The following POLR1A variants were observed in gnomAD, a reference collection of about 807,000 sequenced individuals.
POLR1A encodes DNA-directed RNA polymerase I subunit RPA1.
POLR1A carries 84 observed loss-of-function variants against 205.3 expected under a neutral mutation model. The ratio of observed to expected loss-of-function variants is 0.41; its 90% confidence interval spans 0.34 to 0.49. The LOEUF (loss-of-function observed/expected upper bound fraction) is 0.49, where lower values mean the gene tolerates loss of function less well. Among genes scored for constraint, POLR1A ranks in the 20% least tolerant of loss-of-function variants. The probability of loss-of-function intolerance (pLI) is 0.22; values close to 1 mark genes in which losing one functional copy is unlikely to be tolerated. For synonymous variants in POLR1A, 799 were observed against 863.7 expected, an observed-to-expected ratio of 0.93 and a Z score of 1.31; for missense variants, 1,645 against 2,204.5, an observed-to-expected ratio of 0.75 and a Z score of 5.08.
intron 3 of POLR1A, among the ~76,000 whole-genome samples, chr2:86,093,077 C>T (rs1673637215): frequency 1.3e-5 from 2 of 152,142 alleles, no homozygotes; most frequent in South Asian, 4.1e-4. Context: ...AGTCATTCAC[C>T]ATGTTAGCTG....
At chr2:86,101,896 T>C (rs1673828563) in intron 1 of POLR1A, among the ~76,000 whole-genome samples, 1 of 152,242 alleles carries the variant, frequency 6.6e-6, no homozygotes, top group African/African-American at 2.4e-5. Context: ...TACTTGTCCT[T>C]TTGTGACTGG....
chr2:86,096,101 G>C (rs954239145), intron 3 of POLR1A, among the ~76,000 whole-genome samples: 5 of 151,906 alleles, frequency 3.3e-5, no homozygotes, highest in African/African-American at 1.2e-4. Context: ...ACTCAGTAAA[G>C]TTGCAGGATA....
chr2:86,048,749 C>T (rs1460935363), intron 18 of POLR1A, 135 bp downstream of exon 18: 2 of 751,404 alleles, frequency 2.7e-6, no homozygotes, highest in Non-Finnish European at 4.4e-6. Context: ...TCTACCCATC[C>T]CACCTCGCAT....
chr2:86,038,460 A>G (rs1375672008), intron 27 of POLR1A, among the ~76,000 whole-genome samples: 1 of 152,188 alleles, frequency 6.6e-6, no homozygotes, highest in African/African-American at 2.4e-5. Context: ...ACGTCAACCC[A>G]AGAGAAGAAA....
At chr2:86,032,615 C>T (rs1332996446) in intron 28 of POLR1A, among the ~76,000 whole-genome samples, 1 of 151,974 alleles carries the variant, frequency 6.6e-6, no homozygotes, top group East Asian at 1.9e-4. Context: ...TCTTTACATG[C>T]ACCACTTACT....
In POLR1A at chr2:86,048,803, C is replaced by A. The variant is rs149075441; in HGVS notation, c.2634+81G>T. On this transcript the variant is annotated intron_variant, in intron 18 of 33. Transcript: ENST00000263857. ...CAACAGCCAAGGTGCTCTGTAGGGC[C>A]CAGGTGAGAATCAAAATGTAATTTT... 1,476 of 1,299,870 alleles carry A rather than the reference C, an allele frequency of 1.1e-3. 8 individuals carry two copies. In the African/African-American group the frequency reaches 0.017, roughly 15 times the overall value. The allele number at this position is 1,299,870 out of a possible 1,614,324, so 80.5% of individuals were successfully genotyped here.
At position 86,028,310 on chromosome 2, in the gene POLR1A, A is replaced by T. The variant is rs954645586; in HGVS notation, c.4898-261T>A. Among the ~76,000 whole-genome samples, 1 of 152,190 alleles carries T rather than the reference A, an allele frequency of 6.6e-6. No homozygotes were observed. The highest frequency in any genetic ancestry group is 1.5e-5 in the Non-Finnish European group (1 of 68,032). On this transcript the variant is annotated intron_variant, in intron 32 of 33. Coordinates refer to ENST00000263857, the MANE Select transcript of POLR1A (RefSeq NM_015425.6). The surrounding 1 kb of genome is among the most constrained non-coding windows in gnomAD (Gnocchi z 4.5). ...CTAACCGCACTGTTTTCACTTGGGA[A>T]CTGAAACCCCAAAGGCAGGATGGGG...
rs3755006 is a variant in POLR1A at position 86,034,278 on chromosome 2, C to T, written c.4035-491G>A. On this transcript the variant is annotated intron_variant, in intron 27 of 33. Coordinates refer to ENST00000263857, the MANE Select transcript of POLR1A (RefSeq NM_015425.6). ...CCCCACCCAGGACTAGGACCTTCCC[C>T]TGCCCACAACCTGCAGCATCTCCAG... is the stretch of plus-strand genomic sequence containing the variant. Among the ~76,000 whole-genome samples, 213 of 152,306 alleles carry T rather than the reference C, an allele frequency of 1.4e-3. 2 individuals carry two copies. The East Asian group carries it at 0.027, about 19-fold the overall frequency.
Position 86,075,173 on chromosome 2 carries a change from C to T in POLR1A, c.1468G>A (p.Val490Met), listed in dbSNP as rs1467873857. ...ATGACCATGGAGGCTCCTGGGTGCA[C>T]ATTAGGGCCGTTGATGACCGCTTGC... is the stretch of plus-strand genomic sequence containing the variant. ...LRQAVINGPN[V>M]HPGASMVINE... Residue 490 changes from valine (V) to methionine (M), a missense_variant, in exon 12 of 34, where the codon GTG becomes ATG. Val to Met is a conservative substitution (Grantham distance 21, BLOSUM62 1). Around this residue, in one of 16 missense-constraint regions of POLR1A, gnomAD observed 131 missense variants for 214.5 expected, o/e 0.61. Coordinates refer to ENST00000263857, the MANE Select transcript of POLR1A (RefSeq NM_015425.6). 8 of 1,613,594 alleles carry T rather than the reference C, an allele frequency of 5.0e-6. No individual in the cohort carries two copies. The highest frequency in any genetic ancestry group is 6.8e-6 in the Non-Finnish European group (8 of 1,179,826).
chr2:86,105,164 G>A (rs1428468589), intron 1 of POLR1A, among the ~76,000 whole-genome samples: 1 of 152,184 alleles, frequency 6.6e-6, no homozygotes, highest in African/African-American at 2.4e-5. Context: ...AGACAAATAA[G>A]GTTCTGGAAG....
intron 3 of POLR1A, among the ~76,000 whole-genome samples, chr2:86,090,801 A>C (rs973882656): frequency 6.6e-6 from 1 of 152,224 alleles, no homozygotes; most frequent in South Asian, 2.1e-4. Flanking sequence ...TCTTAACCTA[A>C]GCTGGGCACA....
At chr2:86,075,549 C>T (rs1673265362) in intron 11 of POLR1A, among the ~76,000 whole-genome samples, 1 of 152,136 alleles carries the variant, frequency 6.6e-6, no homozygotes, top group Admixed American at 6.5e-5. Context: ...GCTCTTGTTG[C>T]CCAGGCTGGA....
chr2:86,043,201 C>T lies in POLR1A; in HGVS notation c.3136-6G>A, dbSNP rs143598924. ...TGCTGTGATTTCATTATCACCTAAA[C>T]AAACAAACAAAAAAACAAACAAACA... On this transcript the variant is annotated splice_polypyrimidine_tract_variant and splice_region_variant and intron_variant, in intron 22 of 33. Coordinates refer to ENST00000263857, the MANE Select transcript of POLR1A (RefSeq NM_015425.6). The T allele has an allele frequency of 1.3e-6, 2 of 1,599,788 alleles. No homozygotes were observed. The highest frequency in any genetic ancestry group is 1.7e-6 in the Non-Finnish European group (2 of 1,168,572).
At chr2:86,071,490 T>C (rs900998558) in intron 12 of POLR1A, among the ~76,000 whole-genome samples, 4 of 152,224 alleles carry the variant, frequency 2.6e-5, no homozygotes, top group African/African-American at 9.7e-5. Context: ...CTTCCTATAA[T>C]GAGTATGTGA....
At chr2:86,040,253 C>T in intron 25 of POLR1A, 139 bp downstream of exon 25, 1 of 690,026 alleles carries the variant, frequency 1.4e-6, no homozygotes, top group Non-Finnish European at 2.1e-6. Context: ...CTGATCCCCA[C>T]TTTAATGAGA....
intron 16 of POLR1A, 148 bp from the exon 17 acceptor site, chr2:86,049,390 C>G (rs897604982): frequency 1.1e-5 from 7 of 632,424 alleles, no homozygotes; most frequent in African/African-American, 3.6e-5. Flanking sequence ...TCATTATTAA[C>G]AGATTGCCAC....
At chr2:86,084,113 A>T (rs1280204501) in intron 6 of POLR1A, among the ~76,000 whole-genome samples, 1 of 152,216 alleles carries the variant, frequency 6.6e-6, no homozygotes, top group African/African-American at 2.4e-5. Flanking sequence ...GAAAAATACA[A>T]AAATTAGCCG....
In POLR1A at chr2:86,065,481, G is replaced by T; in HGVS notation, c.1867-16C>A. On this transcript the variant is annotated splice_polypyrimidine_tract_variant and intron_variant, in intron 13 of 33. Transcript: ENST00000263857. ...GTTGGCCATCCTATAAGCCAAAACA[G>T]ACAACACAAGAAGAATGAAAATAAA... 6.2e-7 allele frequency: 1 copy of T among 1,603,118 alleles called. No homozygotes were observed. Among genetic ancestry groups the T allele is most frequent in the East Asian group, 2.2e-5 (1 of 44,800 alleles).
At position 86,091,072 on chromosome 2, in the gene POLR1A, C is replaced by A. The variant is rs528304554; in HGVS notation, c.433-1143G>T. 3.3e-5 allele frequency among the ~76,000 whole-genome samples: 5 copies of A among 152,276 alleles called. No homozygotes were observed. In the East Asian group the frequency reaches 9.6e-4, roughly 29 times the overall value. ...AACACATAAACATAGTAAGCCGGAA[C>A]ACAAAGGACTATACTCTCAGGAACT... On this transcript the variant is annotated intron_variant, in intron 3 of 33. Transcript: ENST00000263857.
Sources: gnomAD v4.1 joint callset for allele counts (sites outside exome capture counted in the v4.1 genomes callset) on GRCh38, gnomAD v4.1.1 for gene constraint, gnomAD v4.1.1 regional missense constraint, Gnocchi (gnomAD v3.1) non-coding constraint, MANE v1.5 for transcripts, NCBI Gene and HGNC (gene_info 2026-07-23, HGNC 2026-07-21) for gene names.